Variants in FRAS1 observed in about 807,000 individuals in gnomAD.
FRAS1 encodes extracellular matrix organizing protein FRAS1.
Under a neutral mutation model 435.2 loss-of-function variants are expected in FRAS1, and 290 were observed. The observed-to-expected ratio is 0.67, with a 90% CI of 0.61 to 0.73. The LOEUF (loss-of-function observed/expected upper bound fraction) is 0.73, where lower values mean the gene tolerates loss of function less well. Among genes scored for constraint, FRAS1 ranks in the 30% least tolerant of loss-of-function variants. The pLI is 0.00. For synonymous variants in FRAS1, 1,800 were observed against 1,851.0 expected (o/e 0.97, Z 0.71); for missense variants, 4,860 against 5,001.5 (o/e 0.97, Z 0.85).
chr4:78,535,070 C>T (rs1721839233), intron 71 of FRAS1, among the ~76,000 whole-genome samples: 1 of 152,202 alleles, frequency 6.6e-6, no homozygotes, highest in Admixed American at 6.5e-5. Flanking sequence ...CTATCTTTCT[C>T]TTGTCGATGA....
At chr4:78,331,661 G>C (rs1166716007) in intron 18 of FRAS1, among the ~76,000 whole-genome samples, 5 of 152,178 alleles carry the variant, frequency 3.3e-5, no homozygotes, top group East Asian at 1.9e-4. Flanking sequence ...TGTACTCAGA[G>C]GGTGTCTCTG....
intron 2 of FRAS1, among the ~76,000 whole-genome samples, chr4:78,172,844 G>A (rs1721616303): frequency 6.6e-6 from 1 of 151,662 alleles, no homozygotes; most frequent in South Asian, 2.1e-4. Flanking sequence ...CTTGATTGAA[G>A]AGCTCTTTGG....
At chr4:78,113,325 T>A (rs557102107) in intron 2 of FRAS1, among the ~76,000 whole-genome samples, 6 of 152,334 alleles carry the variant, frequency 3.9e-5, no homozygotes, top group Non-Finnish European at 7.3e-5. Context: ...TGATTTATAA[T>A]CCTTTGGGTA....
chr4:78,274,295 T>C (rs1726879577), intron 9 of FRAS1, among the ~76,000 whole-genome samples: 1 of 135,016 alleles, frequency 7.4e-6, no homozygotes, highest in African/African-American at 2.5e-5. Flanking sequence ...TTTGAAGGGT[T>C]TTTTGTGTCT....
At chr4:78,086,300 C>A (rs1249304858) in intron 2 of FRAS1, among the ~76,000 whole-genome samples, 2 of 152,162 alleles carry the variant, frequency 1.3e-5, no homozygotes, top group East Asian at 3.9e-4. Flanking sequence ...ATTTATAGCA[C>A]TGAATGCCCA....
Position 78,465,188 on chromosome 4 carries a change from T to C in FRAS1, c.7029+605T>C, listed in dbSNP as rs552120070. ...ATCCCCTTCTCTGTGCCAGCACTCA[T>C]TGATTGATTGATTCTTTCATCAAAT... On this transcript the variant is annotated intron_variant, in intron 49 of 73. Transcript: ENST00000512123. Among the ~76,000 whole-genome samples the C allele has an allele frequency of 3.3e-4, 50 of 152,338 alleles. 2 individuals are homozygous for C. The highest frequency in any genetic ancestry group is 2.9e-3 in the East Asian group (15 of 5,192).
At chr4:78,493,456 A>G (rs1263425763) in intron 59 of FRAS1, among the ~76,000 whole-genome samples, 10 of 152,222 alleles carry the variant, frequency 6.6e-5, no homozygotes, top group Middle Eastern at 3.2e-3. Context: ...CACATACACC[A>G]TGGAGTATTA....
rs924214346 is a variant in FRAS1, at chr4:78,333,410, C to T, written c.2276C>T (p.Thr759Ile). The change falls in exon 19 of 74, where the codon ACA becomes ATA. Residue 759 changes from threonine (T) to isoleucine (I), a missense_variant and splice_region_variant. Physicochemically the swap from Thr to Ile is moderately conservative, Grantham distance 89 (BLOSUM62 -1). Transcript: ENST00000512123. ...DGYFHQEGSC[T>I]ECHPTCRQCH... Reference sequence around the variant, plus strand: ...TACTTTCACCAGGAAGGTAGTTGCACAGGTGAGTATGTAATGTGCTGAGGC... The same window carrying T: ...TACTTTCACCAGGAAGGTAGTTGCATAGGTGAGTATGTAATGTGCTGAGGC... 3 of 1,610,810 alleles carry T rather than the reference C, an allele frequency of 1.9e-6. No individual in the cohort carries two copies. Among genetic ancestry groups the T allele is most frequent in the South Asian group, 1.1e-5 (1 of 89,960 alleles).
At position 78,308,106 on chromosome 4, in the gene FRAS1, G is replaced by A. The variant is rs1032417868; in HGVS notation, c.1575G>A (p.Glu525=). 6.2e-7 allele frequency: 1 copy of A among 1,613,724 alleles called. No individual in the cohort carries two copies. The highest frequency in any genetic ancestry group is 8.5e-7 in the Non-Finnish European group (1 of 1,179,800). Residue 525 remains glutamate (E), a synonymous_variant, in exon 15 of 74, where the codon GAG becomes GAA. Coordinates refer to ENST00000512123, the MANE Select transcript of FRAS1 (RefSeq NM_025074.7). The part of the protein sequence containing the change: ...ESCAGCWGPT[E]KHCLACRDPL... Reference sequence around the variant, plus strand: ...GTGCAGGTTGCTGGGGCCCAACGGAGAAGCACTGCTTGGCCTGCAGAGATC... The same window carrying A: ...GTGCAGGTTGCTGGGGCCCAACGGAAAAGCACTGCTTGGCCTGCAGAGATC...
At chr4:78,240,036 A>G (rs781642972) in intron 3 of FRAS1, among the ~76,000 whole-genome samples, 1 of 151,998 alleles carries the variant, frequency 6.6e-6, no homozygotes, top group East Asian at 1.9e-4. Context: ...CACCTGACAC[A>G]TGGTAGGCAC....
chr4:78,311,412 C>T (rs1729015972), intron 15 of FRAS1, among the ~76,000 whole-genome samples: 1 of 152,160 alleles, frequency 6.6e-6, no homozygotes, highest in Non-Finnish European at 1.5e-5. Context: ...CCTAGCCCTT[C>T]ACTTCTCACT....
Position 78,363,970 on chromosome 4 carries a change from A to G in FRAS1, c.2638A>G (p.Thr880Ala). The change falls in exon 22 of 74, where the codon ACC becomes GCC. Residue 880 changes from threonine to alanine, a missense_variant. Transcript: ENST00000512123. ...ACCTTTCTCCTGCTCCTCATGTGAC[A>G]CCAACCTCGTGCTGTCCCACACTGG... ...RGPFSCSSCDTNLVLSHTGTC... is the reference protein window; with the variant it reads ...RGPFSCSSCDANLVLSHTGTC... 1 of 1,613,040 alleles carries G rather than the reference A, an allele frequency of 6.2e-7. No individual in the cohort carries two copies. Among genetic ancestry groups the G allele is most frequent in the South Asian group, 1.1e-5 (1 of 90,710 alleles).
At chr4:78,314,614 GA>G in intron 15 of FRAS1, among the ~76,000 whole-genome samples, 1 of 152,312 alleles carries the variant, frequency 6.6e-6, no homozygotes, top group South Asian at 2.1e-4. Context: ...TTCCTAGGAT[GA>G]AAATCTAGAC....
Position 78,057,349 on chromosome 4 carries a change from T to G in FRAS1, c.-661T>G, listed in dbSNP as rs1578095826. ...TTTCCTCTGAAGCTTCCGAACAGTC[T>G]GCTTCAGGGAGCGCAGCCTGAGGCG... On this transcript the variant is annotated 5_prime_UTR_variant, in exon 1 of 74. Coordinates refer to ENST00000512123, the MANE Select transcript of FRAS1 (RefSeq NM_025074.7). This position sits in a 1 kb window ranked among gnomAD's most constrained non-coding sequence, Gnocchi z 4.2. Among the ~76,000 whole-genome samples, 1 of 152,152 alleles carries G rather than the reference T, an allele frequency of 6.6e-6. No homozygotes were observed. Among genetic ancestry groups the G allele is most frequent in the South Asian group, 2.1e-4 (1 of 4,830 alleles).
In FRAS1 at chr4:78,308,065, G is replaced by T; in HGVS notation, c.1535-1G>T. ...TCACTGATTTTGCTATTCGTCTGCA[G>T]TCTGCCATGAGTCCTGTGCAGGTTG... On this transcript the variant is annotated splice_acceptor_variant, in intron 14 of 73. Coordinates refer to ENST00000512123, the MANE Select transcript of FRAS1 (RefSeq NM_025074.7). LOFTEE classifies it high-confidence loss of function. The T allele has an allele frequency of 6.3e-7, 1 of 1,594,702 alleles. No homozygotes were observed. The highest frequency in any genetic ancestry group is 8.6e-7 in the Non-Finnish European group (1 of 1,168,278).
chr4:78,335,991 G>T (rs1284182309), intron 19 of FRAS1, among the ~76,000 whole-genome samples: 1 of 150,694 alleles, frequency 6.6e-6, no homozygotes, highest in Non-Finnish European at 1.5e-5. Flanking sequence ...GTTGGGGCCT[G>T]CTGATAGGAA....
chr4:78,263,819 G>T (rs148882957), intron 6 of FRAS1, among the ~76,000 whole-genome samples: 2 of 152,246 alleles, frequency 1.3e-5, no homozygotes, highest in African/African-American at 4.8e-5. Flanking sequence ...AATTCTAGTG[G>T]TTCAGGCATT....
intron 73 of FRAS1, among the ~76,000 whole-genome samples, chr4:78,539,694 T>G (rs28698310): frequency 0.02 from 3,070 of 152,324 alleles, 109 homozygotes; most frequent in African/African-American, 0.07. Context: ...TGGCTGCATA[T>G]GACACTCCAG....
chr4:78,223,333 T>G (rs1314008669), intron 2 of FRAS1, among the ~76,000 whole-genome samples: 1 of 152,206 alleles, frequency 6.6e-6, no homozygotes, highest in African/African-American at 2.4e-5. Flanking sequence ...AGGGTGTTCT[T>G]GGAAAAATAG....
Sources: gnomAD v4.1 joint callset for allele counts (sites outside exome capture counted in the v4.1 genomes callset) on GRCh38, gnomAD v4.1.1 for gene constraint, Gnocchi (gnomAD v3.1) non-coding constraint, MANE v1.5 for transcripts, NCBI Gene and HGNC (gene_info 2026-07-23, HGNC 2026-07-21) for gene names.